Variants in ADAMTS20 observed in about 807,000 individuals in gnomAD.
ADAMTS20 encodes ADAM metallopeptidase with thrombospondin type 1 motif 20, also known as A disintegrin and metalloproteinase with thrombospondin motifs 20.
Under a neutral mutation model 260.1 loss-of-function variants are expected in ADAMTS20, and 225 were observed. That is an observed-to-expected ratio of 0.87 (90% confidence interval 0.78 to 0.97). The LOEUF (loss-of-function observed/expected upper bound fraction) is 0.97. Ranked by LOEUF, ADAMTS20 falls within the 50% of genes least tolerant of loss-of-function variation. ADAMTS20 has a pLI of 0.00. For missense variants in ADAMTS20, 2,400 were observed against 2,337.7 expected (o/e 1.03, Z -0.55); for synonymous variants, 802 against 769.5 (o/e 1.04, Z -0.70).
intron 28 of ADAMTS20, among the ~76,000 whole-genome samples, chr12:43,425,148 A>G (rs1941306882): frequency 6.6e-6 from 1 of 152,172 alleles, no homozygotes; most frequent in African/African-American, 2.4e-5. Context: ...TCAGCAAACT[A>G]ATACAGGAAC....
intron 28 of ADAMTS20, among the ~76,000 whole-genome samples, chr12:43,413,026 G>A (rs1941062664): frequency 2.0e-5 from 3 of 151,812 alleles, no homozygotes; most frequent in Non-Finnish European, 4.4e-5. Context: ...GGCCAAGAAG[G>A]TCTCGATCTT....
chr12:43,462,986 T>C lies in ADAMTS20; in HGVS notation c.1523A>G (p.His508Arg), dbSNP rs771801794. The C allele has an allele frequency of 1.2e-6, 2 of 1,603,356 alleles. No individual in the cohort carries two copies. The highest frequency in any genetic ancestry group is 1.7e-6 in the Non-Finnish European group (2 of 1,174,410). ...CTTTTCTGTGCTTGTGCACCACAGATGCATGCATATATTCTCCTGAGTAAC... is the reference window on the plus strand; with the variant it reads ...CTTTTCTGTGCTTGTGCACCACAGACGCATGCATATATTCTCCTGAGTAAC... The part of the protein sequence containing the change: ...QMCPHINICM[H>R]LWCTSTEKLH... Residue 508 changes from histidine to arginine, a missense_variant, in exon 11 of 39, where the codon CAT becomes CGT. Coordinates refer to ENST00000389420, the MANE Select transcript of ADAMTS20 (RefSeq NM_025003.5).
At chr12:43,537,926 A>G (rs1943319501) in intron 2 of ADAMTS20, among the ~76,000 whole-genome samples, 1 of 152,176 alleles carries the variant, frequency 6.6e-6, no homozygotes, top group African/African-American at 2.4e-5. Context: ...GTTGATGGAC[A>G]CTTAGGTTGC....
Position 43,552,107 on chromosome 12 carries a change from G to C in ADAMTS20, c.-186C>G, listed in dbSNP as rs1338074815. Among the ~76,000 whole-genome samples the C allele has an allele frequency of 2.0e-5, 3 of 152,212 alleles. No homozygotes were observed. The highest frequency in any genetic ancestry group is 4.4e-5 in the Non-Finnish European group (3 of 68,034). On this transcript the variant is annotated 5_prime_UTR_variant, in exon 1 of 39. Transcript: ENST00000389420. ...GCCACACCGCCTGTCTCCGCTCGCT[G>C]AGCCGCTGCTTCATCGCACTGCAGC...
chr12:43,403,159 T>C (rs1284592777), intron 28 of ADAMTS20, among the ~76,000 whole-genome samples: 1 of 152,082 alleles, frequency 6.6e-6, no homozygotes, highest in Non-Finnish European at 1.5e-5. Context: ...TTGGAATAAG[T>C]ATATTTTTAT....
intron 38 of ADAMTS20, 26 bp from the exon 39 acceptor site, chr12:43,354,324 A>G: frequency 6.6e-7 from 1 of 1,517,926 alleles, no homozygotes; most frequent in Non-Finnish European, 9.0e-7. Flanking sequence ...AGAAATACAG[A>G]AGAATCTTAT....
intron 7 of ADAMTS20, among the ~76,000 whole-genome samples, chr12:43,472,334 T>C (rs1157104958): frequency 6.6e-6 from 1 of 151,124 alleles, no homozygotes; most frequent in African/African-American, 2.4e-5. Flanking sequence ...TATGGGACTA[T>C]GTGAAAAGAC....
intron 12 of ADAMTS20, 120 bp downstream of exon 12, chr12:43,453,787 A>T: frequency 8.8e-7 from 1 of 1,136,648 alleles, no homozygotes; most frequent in South Asian, 1.6e-5. Context: ...GTGCTCCAGA[A>T]ATTTTCTGAA....
chr12:43,408,037 C>T (rs1405939269), intron 28 of ADAMTS20, among the ~76,000 whole-genome samples: 1 of 152,078 alleles, frequency 6.6e-6, no homozygotes, highest in Non-Finnish European at 1.5e-5. Flanking sequence ...TAACATGAAC[C>T]TTTACAAGTA....
intron 28 of ADAMTS20, among the ~76,000 whole-genome samples, chr12:43,412,925 C>T (rs927308056): frequency 3.3e-5 from 5 of 150,910 alleles, no homozygotes; most frequent in East Asian, 3.9e-4. Context: ...ATTCTCCTGC[C>T]GCAGCCTCCC....
At chr12:43,468,729 T>C (rs746968837) in intron 7 of ADAMTS20, 24 bp from the exon 8 acceptor site, 1 of 1,363,946 alleles carries the variant, frequency 7.3e-7, no homozygotes, top group Non-Finnish European at 1.0e-6. Context: ...CATTTGTATT[T>C]CATCAAAATG....
chr12:43,392,783 G>A (rs969359474), intron 29 of ADAMTS20, among the ~76,000 whole-genome samples: 13 of 151,922 alleles, frequency 8.6e-5, no homozygotes, highest in Admixed American at 7.9e-4. Flanking sequence ...TTAGTTCTAG[G>A]GGGTCTCCTC....
chr12:43,447,682 A>G (rs1941788545), intron 14 of ADAMTS20, among the ~76,000 whole-genome samples: 2 of 152,106 alleles, frequency 1.3e-5, no homozygotes, highest in Admixed American at 1.3e-4. Context: ...ATCCAAATAG[A>G]AAAAGAGGAA....
intron 11 of ADAMTS20, among the ~76,000 whole-genome samples, chr12:43,455,480 A>C (rs1485864212): frequency 6.6e-6 from 1 of 152,140 alleles, no homozygotes; most frequent in Non-Finnish European, 1.5e-5. Flanking sequence ...ATGCAGAAGG[A>C]CCGAGACAGC....
At position 43,453,944 on chromosome 12, in the gene ADAMTS20, C is replaced by T. The variant is rs150619594; in HGVS notation, c.1723G>A (p.Gly575Arg). The change falls in exon 12 of 39, where the codon GGA (glycine) becomes AGA (arginine). Residue 575 changes from glycine to arginine, a missense_variant. By Grantham distance (125) the Gly-to-Arg change is moderately radical (BLOSUM62 -2). Coordinates refer to ENST00000389420, the MANE Select transcript of ADAMTS20 (RefSeq NM_025003.5). ...CAGCGCCTGGTTGCACTTTCGATTC[C>T]GCCTCCACATGTTCTTGAACAAGAA... ...YSSCSRTCGG[G>R]IESATRRCNR... is the part of the protein sequence containing the mutation. The T allele has an allele frequency of 2.3e-5, 37 of 1,611,114 alleles. No homozygotes were observed. The highest frequency in any genetic ancestry group is 1.7e-4 in the African/African-American group (13 of 74,838).
chr12:43,424,558 G>A (rs1223435310), intron 28 of ADAMTS20, among the ~76,000 whole-genome samples: 2 of 151,636 alleles, frequency 1.3e-5, no homozygotes, highest in Non-Finnish European at 2.9e-5. Flanking sequence ...AAAATAATAA[G>A]TTGGATAATG....
At chr12:43,402,153 G>A (rs1159737366) in intron 28 of ADAMTS20, among the ~76,000 whole-genome samples, 1 of 151,854 alleles carries the variant, frequency 6.6e-6, no homozygotes, top group Non-Finnish European at 1.5e-5. Flanking sequence ...CTTCCTGAAG[G>A]TCAAGTCCTT....
intron 3 of ADAMTS20, among the ~76,000 whole-genome samples, chr12:43,507,467 A>C (rs905333235): frequency 2.0e-5 from 3 of 152,196 alleles, no homozygotes; most frequent in Non-Finnish European, 4.4e-5. Flanking sequence ...CTTGTCAAGT[A>C]ATTTACCACT....
At chr12:43,391,369 G>T (rs551362296) in intron 29 of ADAMTS20, among the ~76,000 whole-genome samples, 1 of 152,270 alleles carries the variant, frequency 6.6e-6, no homozygotes, top group African/African-American at 2.4e-5. Context: ...GTGAAAAATA[G>T]TTGAAGTTCT....
Sources: gnomAD v4.1 joint callset for allele counts (sites outside exome capture counted in the v4.1 genomes callset) on GRCh38, gnomAD v4.1.1 for gene constraint, MANE v1.5 for transcripts, NCBI Gene and HGNC (gene_info 2026-07-23, HGNC 2026-07-21) for gene names.